The following PARD3B variants were observed in gnomAD, a reference collection of about 807,000 sequenced individuals.
The protein encoded by PARD3B is par-3 family cell polarity regulator beta, also known as partitioning defective 3 homolog B.
In PARD3B, 103 loss-of-function variants were observed where a neutral mutation model predicts 130.2. The observed-to-expected ratio is 0.79, with a 90% CI of 0.67 to 0.93. The LOEUF (loss-of-function observed/expected upper bound fraction) is 0.93, where lower values mean the gene tolerates loss of function less well. PARD3B is among the 40% of genes least tolerant of loss of function. The pLI is 0.00. For missense variants in PARD3B, 1,609 were observed against 1,499.2 expected, an observed-to-expected ratio of 1.07 and a Z score of -1.21; for synonymous variants, 583 against 553.2, an observed-to-expected ratio of 1.05 and a Z score of -0.76.
At chr2:204,781,795 C>T (rs2041841405) in intron 2 of PARD3B, among the ~76,000 whole-genome samples, 1 of 152,056 alleles carries the variant, frequency 6.6e-6, no homozygotes, top group South Asian at 2.1e-4. Context: ...CATACATGCT[C>T]TTTGCATCTT....
At chr2:204,791,123 T>TTA (rs1553523654) in intron 2 of PARD3B, among the ~76,000 whole-genome samples, 6 of 149,452 alleles carry the variant, frequency 4.0e-5, no homozygotes, top group African/African-American at 9.8e-5. Flanking sequence ...AAAAAAAGGA[T>TTA]AAAAAAAAAA....
At chr2:204,878,246 C>T (rs974938534) in intron 2 of PARD3B, among the ~76,000 whole-genome samples, 1 of 151,710 alleles carries the variant, frequency 6.6e-6, no homozygotes, top group Non-Finnish European at 1.5e-5. Context: ...GAAGAAATTG[C>T]CTTTTTTAAT....
intron 18 of PARD3B, among the ~76,000 whole-genome samples, chr2:205,344,629 C>T (rs1194393751): frequency 6.6e-6 from 1 of 152,216 alleles, no homozygotes; most frequent in African/African-American, 2.4e-5. Flanking sequence ...TTCAATACCT[C>T]AGCTAACAAA....
At chr2:204,704,731 T>C (rs1472341693) in intron 2 of PARD3B, among the ~76,000 whole-genome samples, 10 of 152,282 alleles carry the variant, frequency 6.6e-5, no homozygotes, top group Non-Finnish European at 8.8e-5. Context: ...CCCCTTTGAA[T>C]CTGAGGGGGC....
intron 21 of PARD3B, among the ~76,000 whole-genome samples, chr2:205,539,426 G>T (rs1023919529): frequency 2.0e-5 from 3 of 152,180 alleles, no homozygotes; most frequent in Non-Finnish European, 4.4e-5. Flanking sequence ...CAGGTAGTTT[G>T]AAAATCGGTT....
chr2:204,934,519 C>T (rs1189119114), intron 2 of PARD3B, among the ~76,000 whole-genome samples: 1 of 152,164 alleles, frequency 6.6e-6, no homozygotes, highest in Non-Finnish European at 1.5e-5. Context: ...CAATTACACT[C>T]AGTGACGTGT....
rs149711591 is a variant in PARD3B, at chr2:205,228,183, A to G, written c.2141-17595A>G. On this transcript the variant is annotated intron_variant, in intron 15 of 22. Coordinates refer to ENST00000406610, the MANE Select transcript of PARD3B (RefSeq NM_001302769.2). ...ATATTCTGTGTTTTTCTATGTACTTAACATTACTAGTGAGTTTTGTACCTT... is the reference window on the plus strand; with the variant it reads ...ATATTCTGTGTTTTTCTATGTACTTGACATTACTAGTGAGTTTTGTACCTT... 2.8e-3 allele frequency among the ~76,000 whole-genome samples: 423 copies of G among 152,292 alleles called. 5 individuals are homozygous for G. The highest frequency in any genetic ancestry group is 9.5e-3 in the African/African-American group (394 of 41,558).
intron 15 of PARD3B, among the ~76,000 whole-genome samples, chr2:205,237,163 G>A (rs574188530): frequency 4.6e-5 from 7 of 152,064 alleles, no homozygotes; most frequent in Non-Finnish European, 7.4e-5. Flanking sequence ...GCAATGACGC[G>A]ATCACTGCTC....
chr2:205,428,115 G>T (rs1413194441), intron 19 of PARD3B, among the ~76,000 whole-genome samples: 1 of 151,960 alleles, frequency 6.6e-6, no homozygotes, highest in African/African-American at 2.4e-5. Flanking sequence ...TGGGAGTGTG[G>T]CTCACACCTG....
At chr2:205,327,407 G>C (rs1024817169) in intron 18 of PARD3B, among the ~76,000 whole-genome samples, 20 of 152,108 alleles carry the variant, frequency 1.3e-4, no homozygotes, top group African/African-American at 4.8e-4. Context: ...TATTATTAGT[G>C]TTTACTACTT....
chr2:205,159,343 T>G (rs1219506303), intron 11 of PARD3B, among the ~76,000 whole-genome samples: 1 of 152,242 alleles, frequency 6.6e-6, no homozygotes, highest in Non-Finnish European at 1.5e-5. Context: ...AAAGGCCATT[T>G]ATCACATTTT....
chr2:204,662,692 C>G lies in PARD3B; in HGVS notation c.121-23489C>G, dbSNP rs189736573. 4.3e-3 allele frequency among the ~76,000 whole-genome samples: 652 copies of G among 152,138 alleles called. 11 individuals are homozygous for G. The highest frequency in any genetic ancestry group is 4.9e-3 in the Non-Finnish European group (331 of 68,002). The stretch of plus-strand genomic sequence containing the variant: ...GGTTACAGACCTTGAGTGAAACTGC[C>G]TGTTGTTTATGTTTTGAACTGGTAC... On this transcript the variant is annotated intron_variant, in intron 1 of 22. Coordinates refer to ENST00000406610, the MANE Select transcript of PARD3B (RefSeq NM_001302769.2).
At chr2:205,221,808 A>G (rs934504631) in intron 15 of PARD3B, among the ~76,000 whole-genome samples, 1 of 152,112 alleles carries the variant, frequency 6.6e-6, no homozygotes, top group African/African-American at 2.4e-5. Flanking sequence ...ACAGTAGTCC[A>G]TGCCTGTCTT....
intron 21 of PARD3B, among the ~76,000 whole-genome samples, chr2:205,552,521 G>T (rs1392201597): frequency 2.0e-5 from 3 of 152,082 alleles, no homozygotes; most frequent in Non-Finnish European, 4.4e-5. Flanking sequence ...TGATTCTCCT[G>T]CCTCAGCCTC....
Position 204,974,901 on chromosome 2 carries a change from C to G in PARD3B, c.394+9578C>G, listed in dbSNP as rs144585950. On this transcript the variant is annotated intron_variant, in intron 3 of 22. Transcript: ENST00000406610. ...AACCCAGTAGATTAAAAGCATTGTG[C>G]TAGGCTACCAAAGGAATATAAAATA... is the stretch of plus-strand genomic sequence containing the variant. Among the ~76,000 whole-genome samples, 469 of 152,270 alleles carry G rather than the reference C, an allele frequency of 3.1e-3. 4 individuals are homozygous for G. The highest frequency in any genetic ancestry group is 0.011 in the African/African-American group (438 of 41,532).
At chr2:204,589,852 T>A (rs1329912047) in intron 1 of PARD3B, among the ~76,000 whole-genome samples, 1 of 152,168 alleles carries the variant, frequency 6.6e-6, no homozygotes, top group Admixed American at 6.5e-5. Context: ...AAATCAACTT[T>A]TTGGCACAGT....
intron 2 of PARD3B, among the ~76,000 whole-genome samples, chr2:204,953,204 C>T (rs904796148): frequency 5.9e-5 from 9 of 151,992 alleles, no homozygotes; most frequent in African/African-American, 2.2e-4. Context: ...ACAACCTACA[C>T]TTTCGTATGT....
intron 2 of PARD3B, among the ~76,000 whole-genome samples, chr2:204,767,334 AT>A (rs1415217921): frequency 4.6e-3 from 38 of 8,260 alleles, no homozygotes; most frequent in African/African-American, 0.015. Flanking sequence ...TGAACTCATC[AT>A]TTTTTATGGC....
chr2:205,182,216 C>A (rs5006526), intron 13 of PARD3B, among the ~76,000 whole-genome samples: 1 of 151,672 alleles, frequency 6.6e-6, no homozygotes, highest in Non-Finnish European at 1.5e-5. Context: ...GGCTTGAACC[C>A]GGGAGGCGGA....
Sources: allele counts gnomAD v4.1 joint callset (sites outside exome capture counted in the v4.1 genomes callset), GRCh38; gene constraint gnomAD v4.1.1; transcripts MANE v1.5; gene names NCBI Gene and HGNC (gene_info 2026-07-23, HGNC 2026-07-21).